The following METTL15 variants were observed in gnomAD, a reference collection of about 807,000 sequenced individuals.
METTL15 encodes methyltransferase 15, mitochondrial 12S rRNA N4-cytidine, also known as 12S rRNA N(4)-cytidine methyltransferase METTL15.
In METTL15, 34 loss-of-function variants were observed where a neutral mutation model predicts 38.3. The ratio of observed to expected loss-of-function variants is 0.89; its 90% CI spans 0.68 to 1.18. The LOEUF (loss-of-function observed/expected upper bound fraction) is 1.18. Among genes scored for constraint, METTL15 ranks in the 50% most tolerant of loss-of-function variants. The probability of loss-of-function intolerance (pLI) is 0.00; values close to 1 mark genes in which losing one functional copy is unlikely to be tolerated. For missense variants in METTL15, 438 were observed against 498.4 expected (o/e 0.88, Z 1.15); for synonymous variants, 162 against 170.9 (o/e 0.95, Z 0.41).
intron 5 of METTL15, among the ~76,000 whole-genome samples, chr11:28,390,429 T>G (rs1159255932): frequency 9.9e-5 from 15 of 152,088 alleles, no homozygotes; most frequent in Non-Finnish European, 1.0e-4. Flanking sequence ...AGGGATCCAG[T>G]TTCAGCTTTC....
At chr11:28,382,760 A>T in intron 5 of METTL15, among the ~76,000 whole-genome samples, 1 of 151,906 alleles carries the variant, frequency 6.6e-6, no homozygotes, top group Non-Finnish European at 1.5e-5. Context: ...GCTTGAACCC[A>T]GGAGGCAGAG....
At chr11:28,525,357 A>G (rs570842946) in intron 6 of METTL15, among the ~76,000 whole-genome samples, 3 of 152,256 alleles carry the variant, frequency 2.0e-5, no homozygotes, top group Non-Finnish European at 2.9e-5. Flanking sequence ...TCCCTGAGCT[A>G]GACACAAAGG....
chr11:28,146,615 A>G lies in METTL15; in HGVS notation c.270+33011A>G, dbSNP rs1045489122. The stretch of plus-strand genomic sequence containing the variant: ...TTGTGATTAATTTCTTCCTTGTTTG[A>G]TGCCTTTTTTCTCTTAAAAATATTC... On this transcript the variant is annotated intron_variant, in intron 3 of 6. Coordinates refer to ENST00000407364, the MANE Select transcript of METTL15 (RefSeq NM_001113528.2). 2.9e-4 allele frequency among the ~76,000 whole-genome samples: 44 copies of G among 151,794 alleles called. 1 individual carries two copies. The highest frequency in any genetic ancestry group is 1.1e-3 in the African/African-American group (44 of 41,376).
intron 4 of METTL15, among the ~76,000 whole-genome samples, chr11:28,244,202 A>G (rs1304801830): frequency 6.6e-6 from 1 of 152,196 alleles, no homozygotes; most frequent in Admixed American, 6.5e-5. Context: ...TAGGCAAGGA[A>G]ATCAGATTGC....
At chr11:28,426,971 G>A (rs547588043) in intron 6 of METTL15, among the ~76,000 whole-genome samples, 2 of 152,064 alleles carry the variant, frequency 1.3e-5, no homozygotes. Context: ...TGCTTTTGTT[G>A]CAATTGCTTT....
intron 6 of METTL15, among the ~76,000 whole-genome samples, chr11:28,306,752 T>G (rs981371088): frequency 2.8e-4 from 43 of 152,154 alleles, no homozygotes; most frequent in African/African-American, 9.9e-4. Context: ...GAATTCCCAA[T>G]TTTAATGGAT....
chr11:28,461,560 T>C (rs1311785720), intron 6 of METTL15, among the ~76,000 whole-genome samples: 3 of 151,902 alleles, frequency 2.0e-5, no homozygotes, highest in Non-Finnish European at 2.9e-5. Flanking sequence ...TCTGAAAAGA[T>C]AGAGGCCAAG....
intron 5 of METTL15, among the ~76,000 whole-genome samples, chr11:28,373,833 G>A (rs944836643): frequency 3.3e-5 from 5 of 152,024 alleles, no homozygotes; most frequent in South Asian, 2.1e-4. Context: ...ATCTTGAATC[G>A]ATTTTTGTAT....
intron 3 of METTL15, among the ~76,000 whole-genome samples, chr11:28,167,989 T>C (rs924873064): frequency 6.6e-6 from 1 of 152,150 alleles, no homozygotes; most frequent in Admixed American, 6.6e-5. Flanking sequence ...CCATTTTTTT[T>C]AGAATTAAAA....
chr11:28,213,080 C>G (rs982760302), intron 4 of METTL15, among the ~76,000 whole-genome samples: 14 of 152,102 alleles, frequency 9.2e-5, no homozygotes, highest in Non-Finnish European at 1.9e-4. Flanking sequence ...TGGGGACAGA[C>G]CTGCGACATG....
At chr11:28,431,808 G>GAAAAAAAAAAAAA (rs1186274147) in intron 6 of METTL15, among the ~76,000 whole-genome samples, 1 of 87,076 alleles carries the variant, frequency 1.1e-5, no homozygotes, top group African/African-American at 4.7e-5. Flanking sequence ...AAAAAAAAAA[G>GAAAAAAAAAAAAA]AAAAAAAAAA....
At chr11:28,137,763 T>G (rs941234215) in intron 3 of METTL15, among the ~76,000 whole-genome samples, 2 of 152,224 alleles carry the variant, frequency 1.3e-5, no homozygotes, top group Admixed American at 6.5e-5. Flanking sequence ...TAAAGTCACT[T>G]GAACTAACAG....
At position 28,333,173 on chromosome 11, in the gene METTL15, A is replaced by G. The variant is rs1336001888; in HGVS notation, c.*2332A>G. On this transcript the variant is annotated 3_prime_UTR_variant, in exon 7 of 7. Coordinates refer to ENST00000407364, the MANE Select transcript of METTL15 (RefSeq NM_001113528.2). ...TCTGCTGTTTTAAGGTACCCAGTTCATGGTAATTTGTTACAGCAATCCTAG... is the reference window on the plus strand; with the variant it reads ...TCTGCTGTTTTAAGGTACCCAGTTCGTGGTAATTTGTTACAGCAATCCTAG... 2.6e-5 allele frequency: 4 copies of G among 151,866 alleles called. No individual in the cohort carries two copies. Among genetic ancestry groups the G allele is most frequent in the Non-Finnish European group, 4.4e-5 (3 of 67,992 alleles). 9.4% of individuals were successfully genotyped at this position (151,866 alleles called of 1,614,324 possible).
chr11:28,267,851 G>A (rs1390042397), intron 4 of METTL15, among the ~76,000 whole-genome samples: 1 of 152,158 alleles, frequency 6.6e-6, no homozygotes. Context: ...CATGTATATG[G>A]ATGAATTTAT....
chr11:28,126,066 C>G (rs1852468526), intron 3 of METTL15, among the ~76,000 whole-genome samples: 1 of 152,140 alleles, frequency 6.6e-6, no homozygotes, highest in Non-Finnish European at 1.5e-5. Context: ...TACATTTAAT[C>G]TAAGCAAATT....
chr11:28,224,470 A>G (rs1035159445), intron 4 of METTL15, among the ~76,000 whole-genome samples: 1 of 151,978 alleles, frequency 6.6e-6, no homozygotes, highest in African/African-American at 2.4e-5. Flanking sequence ...AATTAAAATA[A>G]TTCATAGAAC....
chr11:28,231,477 G>A (rs900476015), intron 4 of METTL15, among the ~76,000 whole-genome samples: 5 of 151,490 alleles, frequency 3.3e-5, no homozygotes, highest in Non-Finnish European at 5.9e-5. Context: ...TTTTTCTTAT[G>A]GTAAAATTCT....
chr11:28,160,401 T>C lies in METTL15; in HGVS notation c.270+46797T>C, dbSNP rs147614855. Among the ~76,000 whole-genome samples, 25 of 152,176 alleles carry C rather than the reference T, an allele frequency of 1.6e-4. 1 individual carries two copies. The highest frequency in any genetic ancestry group is 5.8e-4 in the African/African-American group (24 of 41,520). ...CCTTCTCTTAAGGGTATTATACTAT[T>C]TTCAGAATTATTTATGTAAAACAAT... On this transcript the variant is annotated intron_variant, in intron 3 of 6. Transcript: ENST00000407364.
At chr11:28,502,324 T>A (rs1449893593) in intron 6 of METTL15, among the ~76,000 whole-genome samples, 2 of 152,146 alleles carry the variant, frequency 1.3e-5, no homozygotes, top group African/African-American at 4.8e-5. Flanking sequence ...ATTGTAGGCT[T>A]TATGAGCTGT....
Sources: gnomAD v4.1 joint callset for allele counts (sites outside exome capture counted in the v4.1 genomes callset) on GRCh38, gnomAD v4.1.1 for gene constraint, MANE v1.5 for transcripts, NCBI Gene and HGNC (gene_info 2026-07-23, HGNC 2026-07-21) for gene names.